CIZ1: variants seen among roughly 807,000 people sequenced by gnomAD.
The protein encoded by CIZ1 is cip1-interacting zinc finger protein.
A neutral mutation model predicts 118.6 loss-of-function variants in CIZ1; 58 were observed. The observed-to-expected ratio is 0.49, with a 90% CI of 0.40 to 0.61. CIZ1 has a LOEUF of 0.61. CIZ1 is among the 20% of genes least tolerant of loss of function. The pLI is 0.00. For missense variants in CIZ1, 921 were observed against 1,115.9 expected, an observed-to-expected ratio of 0.83 and a Z score of 2.49; for synonymous variants, 448 against 443.4, an observed-to-expected ratio of 1.01 and a Z score of -0.13.
Position 128,190,723 on chromosome 9 carries a change from G to T in CIZ1, c.135C>A (p.Ser45=). 6.4e-7 allele frequency: 1 copy of T among 1,550,984 alleles called. No homozygotes were observed. The change falls in exon 2 of 17, where the codon TCC becomes TCA. Residue 45 remains serine (S), a synonymous_variant. Coordinates refer to ENST00000372938, the MANE Select transcript of CIZ1 (RefSeq NM_001131016.2). ...LLQLQQLLQQ[S]PPQAPLPMAV... is the part of the protein sequence containing the mutation. ...CCATGGGCAACGGGGCCTGTGGTGG[G>T]GACTGCTGGAGCAGCTGCTGGAGCT... is the stretch of plus-strand genomic sequence containing the variant.
chr9:128,203,301 G>A lies in CIZ1; in HGVS notation c.-6+885C>T, dbSNP rs905848137. The A allele has an allele frequency of 6.3e-5, 26 of 411,694 alleles. No homozygotes were observed. Among genetic ancestry groups the A allele is most frequent in the Non-Finnish European group, 8.1e-5 (23 of 282,308 alleles). The allele number at this position is 411,694 out of a possible 1,614,324, so 25.5% of individuals were successfully genotyped here. ...CTGCGCACGGCGGCCGGCCCGCAGC[G>A]CCGCGGGCTCCCCCTAGCGGCGTCC... On this transcript the variant is annotated intron_variant, in intron 1 of 17. Coordinates refer to the CIZ1 transcript ENST00000372948. The surrounding 1 kb of genome is among the most constrained non-coding windows in gnomAD (Gnocchi z 5.3).
At chr9:128,195,271 C>T (rs1432091705), upstream of CIZ1, among the ~76,000 whole-genome samples, 1 of 152,138 alleles carries the variant, frequency 6.6e-6, no homozygotes, top group Non-Finnish European at 1.5e-5. Context: ...GTGAAGTGAG[C>T]TCACTGGCTT....
Position 128,177,746 on chromosome 9 carries a change from GC to G in CIZ1, c.1637del (p.Gly546AlafsTer3), listed in dbSNP as rs1204309309. The part of the protein sequence containing the change: ...REMPGVWGAG[G>X]SLKVTILQSS... ...TCTGCAGAATGGTGACCTTCAGGGA[GC>G]CCCCGGCGCCCCATACCTGCATGGG... On this transcript the variant is annotated frameshift_variant, in exon 10 of 17. Coordinates refer to ENST00000372938, the MANE Select transcript of CIZ1 (RefSeq NM_001131016.2). LOFTEE classifies it high-confidence loss of function. 3.8e-6 allele frequency: 6 copies of G among 1,598,398 alleles called. No individual in the cohort carries two copies. The highest frequency in any genetic ancestry group is 5.1e-6 in the Non-Finnish European group (6 of 1,172,876).
upstream of CIZ1, among the ~76,000 whole-genome samples, chr9:128,192,190 G>A (rs1833219245): frequency 6.6e-6 from 1 of 152,000 alleles, no homozygotes; most frequent in Non-Finnish European, 1.5e-5. Context: ...TGGGCAAAAT[G>A]GCGAAATCCC....
Position 128,166,187 on chromosome 9 carries a change from G to GC in CIZ1, c.*9_*10insG. The GC allele has an allele frequency of 6.8e-7, 1 of 1,464,802 alleles. No individual in the cohort carries two copies. Among genetic ancestry groups the GC allele is most frequent in the Non-Finnish European group, 9.1e-7 (1 of 1,100,836 alleles). 90.7% of individuals were successfully genotyped at this position (1,464,802 alleles called of 1,614,324 possible). On this transcript the variant is annotated 3_prime_UTR_variant, in exon 17 of 17. Transcript: ENST00000372938. This position sits in a 1 kb window ranked among gnomAD's most constrained non-coding sequence, Gnocchi z 4.4. Reference sequence around the variant, plus strand: ...GACCCAGGCAGGCCAGGGACAGGGAGGTCCCTCTATCAGGTTTTGAGGCGG... The same window carrying GC: ...GACCCAGGCAGGCCAGGGACAGGGAGCGTCCCTCTATCAGGTTTTGAGGCGG...
intron 3 of CIZ1, among the ~76,000 whole-genome samples, chr9:128,188,557 C>T (rs1442015560): frequency 6.6e-6 from 1 of 152,166 alleles, no homozygotes; most frequent in African/African-American, 2.4e-5. Context: ...AAGCAAATCT[C>T]CTGTCTTGGC....
At position 128,180,410 on chromosome 9, in the gene CIZ1, G is replaced by C; in HGVS notation, c.791+5C>G. On this transcript the variant is annotated splice_donor_5th_base_variant and intron_variant, in intron 7 of 16. Coordinates refer to ENST00000372938, the MANE Select transcript of CIZ1 (RefSeq NM_001131016.2). ...GGCGCAGGTCAGGTTTTCAGCATCA[G>C]TTACCTCCTCAATCTCTTTGCTGGC... 6.2e-7 allele frequency: 1 copy of C among 1,611,646 alleles called. No homozygotes were observed. Among genetic ancestry groups the C allele is most frequent in the Non-Finnish European group, 8.5e-7 (1 of 1,177,754 alleles).
At position 128,178,861 on chromosome 9, in the gene CIZ1, G is replaced by A; in HGVS notation, c.1346C>T (p.Pro449Leu). 3.7e-6 allele frequency: 6 copies of A among 1,614,264 alleles called. No individual in the cohort carries two copies. Among genetic ancestry groups the A allele is most frequent in the Non-Finnish European group, 5.1e-6 (6 of 1,180,042 alleles). Residue 449 changes from proline to leucine, a missense_variant, in exon 8 of 17, where the codon CCT becomes CTT. By Grantham distance (98) the Pro-to-Leu change is moderately conservative. Coordinates refer to ENST00000372938, the MANE Select transcript of CIZ1 (RefSeq NM_001131016.2). ...TGGCTGTACTGACACCTGCGCTGGAGGATGCTCCTGTGGCTGGACGCTTGG... is the reference window on the plus strand; with the variant it reads ...TGGCTGTACTGACACCTGCGCTGGAAGATGCTCCTGTGGCTGGACGCTTGG... ...AQPSVQPQEH[P>L]PAQVSVQPPE...
chr9:128,171,034 G>C (rs1399824786), intron 11 of CIZ1, among the ~76,000 whole-genome samples: 1 of 151,962 alleles, frequency 6.6e-6, no homozygotes, highest in Non-Finnish European at 1.5e-5. Flanking sequence ...GCTGAGGTGG[G>C]AGGATTGCTT....
At chr9:128,181,082 ACTTC>A (rs1437341735) in intron 5 of CIZ1, among the ~76,000 whole-genome samples, 2 of 151,728 alleles carry the variant, frequency 1.3e-5, no homozygotes, top group Non-Finnish European at 2.9e-5. Context: ...TCCTGACCTG[ACTTC>A]CCACCCAGTT....
At chr9:128,190,186 A>G (rs1832951120) in intron 3 of CIZ1, 143 bp downstream of exon 3, 4 of 633,200 alleles carry the variant, frequency 6.3e-6, no homozygotes, top group Non-Finnish European at 8.5e-6. Flanking sequence ...CACCTCCTGG[A>G]GCCTTAGTGT....
In CIZ1 at chr9:128,185,780, C is replaced by A. The variant is rs1832287306; in HGVS notation, c.359-4G>T. 1 of 1,609,136 alleles carries A rather than the reference C, an allele frequency of 6.2e-7. No individual in the cohort carries two copies. The highest frequency in any genetic ancestry group is 8.5e-7 in the Non-Finnish European group (1 of 1,176,272). On this transcript the variant is annotated splice_polypyrimidine_tract_variant and splice_region_variant and intron_variant, in intron 4 of 16. Coordinates refer to ENST00000372938, the MANE Select transcript of CIZ1 (RefSeq NM_001131016.2). ...ATGCCATAGCCTCGGAGGTTACCTGCAGGCAAGAAGACAGGAGAAGAGGGG... is the reference window on the plus strand; with the variant it reads ...ATGCCATAGCCTCGGAGGTTACCTGAAGGCAAGAAGACAGGAGAAGAGGGG...
In CIZ1 at chr9:128,178,490, C is replaced by T. The variant is rs1350554210; in HGVS notation, c.1499G>A (p.Gly500Asp). 4 of 1,614,192 alleles carry T rather than the reference C, an allele frequency of 2.5e-6. No homozygotes were observed. The highest frequency in any genetic ancestry group is 3.4e-6 in the Non-Finnish European group (4 of 1,180,018). Residue 500 changes from glycine to aspartate, a missense_variant and splice_region_variant, in exon 9 of 17, where the codon GGC becomes GAC. Coordinates refer to ENST00000372938, the MANE Select transcript of CIZ1 (RefSeq NM_001131016.2). ...AGGCTCTGGCAAGGTCTTTTCCATG[C>T]CTGAAATGACAGATGTGCTGTATTT... ...MPPDAVEAGG[G>D]MEKTLPEPVG...
At chr9:128,176,922 G>A (rs1437308735) in intron 10 of CIZ1, among the ~76,000 whole-genome samples, 5 of 151,946 alleles carry the variant, frequency 3.3e-5, no homozygotes, top group South Asian at 2.1e-4. Context: ...TTTTTGTTTC[G>A]TTTTGAGAGT....
intron 1 of CIZ1, among the ~76,000 whole-genome samples, chr9:128,198,541 G>A (rs546849236): frequency 1.3e-5 from 2 of 152,262 alleles, no homozygotes; most frequent in South Asian, 4.1e-4. Flanking sequence ...GTCAAAAAGG[G>A]CTCGTGTTTT....
At chr9:128,193,432 G>A (rs1833294577), upstream of CIZ1, among the ~76,000 whole-genome samples, 1 of 151,808 alleles carries the variant, frequency 6.6e-6, no homozygotes, top group African/African-American at 2.4e-5. Context: ...GGCTCTACTG[G>A]GCACAGCGGC....
intron 5 of CIZ1, 143 bp downstream of exon 5, chr9:128,185,404 C>G (rs12555232): frequency 2.1e-6 from 1 of 484,322 alleles, no homozygotes; most frequent in Non-Finnish European, 3.6e-6. Flanking sequence ...TCCATTCCCG[C>G]CCCCCTCATT....
At chr9:128,179,437 T>C in intron 7 of CIZ1, 22 bp from the exon 8 acceptor site, 1 of 1,543,662 alleles carries the variant, frequency 6.5e-7, no homozygotes, top group East Asian at 2.3e-5. Context: ...CAAAAAAAAA[T>C]CCCAGTCATG....
intron 5 of CIZ1, among the ~76,000 whole-genome samples, chr9:128,182,893 G>GA (rs1831861239): frequency 6.6e-6 from 1 of 152,024 alleles, no homozygotes; most frequent in Non-Finnish European, 1.5e-5. Flanking sequence ...CATAGTGCTG[G>GA]GATTACAGGC....
Sources: allele counts gnomAD v4.1 joint callset (sites outside exome capture counted in the v4.1 genomes callset), GRCh38; gene constraint gnomAD v4.1.1; non-coding constraint Gnocchi (gnomAD v3.1); transcripts MANE v1.5; gene names NCBI Gene and HGNC (gene_info 2026-07-23, HGNC 2026-07-21).